Variants in XKR4 observed in about 807,000 individuals in gnomAD.
The protein encoded by XKR4 is XK related 4, also known as XK-related protein 4.
A neutral mutation model predicts 53.9 loss-of-function variants in XKR4; 12 were observed. That is an observed-to-expected ratio of 0.22 (90% CI 0.14 to 0.36). The LOEUF (loss-of-function observed/expected upper bound fraction) is 0.36, where lower values mean the gene tolerates loss of function less well. Ranked by LOEUF, XKR4 falls within the 10% of genes least tolerant of loss-of-function variation. The pLI is 1.00. For missense variants in XKR4, 799 were observed against 859.5 expected, an observed-to-expected ratio of 0.93 and a Z score of 0.88; for synonymous variants, 354 against 362.4, an observed-to-expected ratio of 0.98 and a Z score of 0.26.
chr8:55,310,633 A>G (rs1032922388), intron 1 of XKR4, among the ~76,000 whole-genome samples: 3 of 152,156 alleles, frequency 2.0e-5, no homozygotes, highest in Non-Finnish European at 4.4e-5. Context: ...TCCCTGAGTA[A>G]GTTTGGACAA....
At chr8:55,194,881 C>T (rs1320713223) in intron 1 of XKR4, among the ~76,000 whole-genome samples, 1 of 152,138 alleles carries the variant, frequency 6.6e-6, no homozygotes, top group African/African-American at 2.4e-5. Flanking sequence ...TAATTCTTTG[C>T]TTTTCATAAA....
chr8:55,332,395 A>G (rs926752709), intron 1 of XKR4, among the ~76,000 whole-genome samples: 2 of 151,986 alleles, frequency 1.3e-5, no homozygotes, highest in Non-Finnish European at 2.9e-5. Flanking sequence ...TTACCAGAAA[A>G]CTTTATGCTT....
intron 1 of XKR4, among the ~76,000 whole-genome samples, chr8:55,205,195 A>G (rs1817628604): frequency 6.6e-6 from 1 of 152,248 alleles, no homozygotes; most frequent in South Asian, 2.1e-4. Flanking sequence ...GATGGTTATT[A>G]GGCCAGCCTT....
intron 1 of XKR4, among the ~76,000 whole-genome samples, chr8:55,215,662 G>A (rs747331473): frequency 2.8e-4 from 43 of 152,058 alleles, no homozygotes; most frequent in South Asian, 4.2e-4. Flanking sequence ...TTTAATAATC[G>A]TCTTATTTGA....
intron 1 of XKR4, among the ~76,000 whole-genome samples, chr8:55,206,042 C>T (rs532789099): frequency 3.2e-4 from 48 of 152,236 alleles, no homozygotes; most frequent in Non-Finnish European, 5.7e-4. Context: ...TTGTTCCTAC[C>T]GGTGGGTTCG....
At chr8:55,520,970 ACGTCTTCCTGTG>A in intron 2 of XKR4, 2 of 152,366 alleles carry the variant, frequency 1.3e-5, no homozygotes, top group South Asian at 4.1e-4. Context: ...GCCTTAAGTA[ACGTCTTCCTGTG>A]CAAACTGGTA....
At chr8:55,137,250 A>AG (rs1412596009) in intron 1 of XKR4, among the ~76,000 whole-genome samples, 2 of 151,706 alleles carry the variant, frequency 1.3e-5, no homozygotes, top group East Asian at 1.9e-4. Context: ...TAGAGAGAGG[A>AG]GGGGAAAAAA....
intron 1 of XKR4, among the ~76,000 whole-genome samples, chr8:55,156,876 G>A (rs1816915427): frequency 6.6e-6 from 1 of 152,178 alleles, no homozygotes; most frequent in Non-Finnish European, 1.5e-5. Context: ...TAAACTTTCT[G>A]CATAAACAAG....
At chr8:55,295,721 T>C (rs1405810623) in intron 1 of XKR4, among the ~76,000 whole-genome samples, 1 of 152,234 alleles carries the variant, frequency 6.6e-6, no homozygotes, top group Non-Finnish European at 1.5e-5. Flanking sequence ...TGGCTAGGAC[T>C]GTGTCTCCTA....
chr8:55,102,390 T>G lies in XKR4; in HGVS notation c.-99T>G. On this transcript the variant is annotated 5_prime_UTR_variant, in exon 1 of 3. Coordinates refer to ENST00000327381, the MANE Select transcript of XKR4 (RefSeq NM_052898.2). This position sits in a 1 kb window ranked among gnomAD's most constrained non-coding sequence, Gnocchi z 5.1. ...CAGGAGGAGGGGGAGCCGCACCGCC[T>G]GGGAGGGAAGCCGGGGCGAGGCGAG... is the stretch of plus-strand genomic sequence containing the variant. The G allele has an allele frequency of 7.2e-7, 1 of 1,386,872 alleles. No individual in the cohort carries two copies. The highest frequency in any genetic ancestry group is 9.5e-7 in the Non-Finnish European group (1 of 1,053,974). The allele number at this position is 1,386,872 out of a possible 1,614,324, so 85.9% of individuals were successfully genotyped here.
intron 1 of XKR4, among the ~76,000 whole-genome samples, chr8:55,281,468 G>C (rs1355481360): frequency 6.6e-6 from 1 of 152,102 alleles, no homozygotes; most frequent in Admixed American, 6.5e-5. Flanking sequence ...GGTCAAAATG[G>C]GAAATGGGAA....
intron 1 of XKR4, among the ~76,000 whole-genome samples, chr8:55,289,819 A>G (rs564486369): frequency 1.4e-4 from 20 of 143,066 alleles, no homozygotes; most frequent in African/African-American, 4.7e-4. Flanking sequence ...GGAAAGAAAG[A>G]AAGGAAGGAA....
rs192492592 is a variant in XKR4, at chr8:55,460,986, C to T, written c.1007-62295C>T. Among the ~76,000 whole-genome samples, 558 of 152,352 alleles carry T rather than the reference C, an allele frequency of 3.7e-3. 4 individuals carry two copies. The highest frequency in any genetic ancestry group is 0.013 in the African/African-American group (525 of 41,582). ...GTAGGTAAACAAAGTGGCCTGGAAG[C>T]TTGAACTGGGTGAGCCCACCACAGC... On this transcript the variant is annotated intron_variant, in intron 2 of 2. Transcript: ENST00000327381.
intron 1 of XKR4, among the ~76,000 whole-genome samples, chr8:55,329,913 A>C (rs1356734206): frequency 6.6e-6 from 1 of 152,040 alleles, no homozygotes; most frequent in African/African-American, 2.4e-5. Context: ...TGAGTCTACC[A>C]CTCTCTTGTT....
At chr8:55,291,316 T>C (rs935552283) in intron 1 of XKR4, among the ~76,000 whole-genome samples, 5 of 152,210 alleles carry the variant, frequency 3.3e-5, no homozygotes, top group African/African-American at 1.2e-4. Context: ...CTCATGTTAT[T>C]CTTCATCGAA....
chr8:55,347,314 C>G (rs1391574046), intron 1 of XKR4, among the ~76,000 whole-genome samples: 3 of 152,168 alleles, frequency 2.0e-5, no homozygotes, highest in African/African-American at 7.2e-5. Context: ...TTTACATGTT[C>G]AGAATCTCAC....
intron 1 of XKR4, among the ~76,000 whole-genome samples, chr8:55,156,399 A>ACGG (rs1816907083): frequency 9.5e-6 from 1 of 105,326 alleles, no homozygotes; most frequent in Non-Finnish European, 1.8e-5. Flanking sequence ...GCGCATAGTC[A>ACGG]CGGCGTAAGA....
chr8:55,323,518 A>G (rs1187845314), intron 1 of XKR4, among the ~76,000 whole-genome samples: 1 of 152,206 alleles, frequency 6.6e-6, no homozygotes, highest in Non-Finnish European at 1.5e-5. Context: ...TATTGTGTTT[A>G]TAAGTCCTCT....
chr8:55,151,857 C>T (rs1470281840), intron 1 of XKR4, among the ~76,000 whole-genome samples: 1 of 152,112 alleles, frequency 6.6e-6, no homozygotes, highest in Non-Finnish European at 1.5e-5. Context: ...AGTGAATTCA[C>T]CAAAATTTAT....
Sources: gnomAD v4.1 joint callset for allele counts (sites outside exome capture counted in the v4.1 genomes callset) on GRCh38, gnomAD v4.1.1 for gene constraint, Gnocchi (gnomAD v3.1) non-coding constraint, MANE v1.5 for transcripts, NCBI Gene and HGNC (gene_info 2026-07-23, HGNC 2026-07-21) for gene names.